WDFY4: variants seen among roughly 807,000 people sequenced by gnomAD.
WDFY4 encodes WDFY family member 4.
A neutral mutation model predicts 351.9 loss-of-function variants in WDFY4; 169 were observed. That is an observed-to-expected ratio of 0.48 (90% confidence interval 0.42 to 0.55). WDFY4 has a LOEUF of 0.55. Among genes scored for constraint, WDFY4 ranks in the 20% least tolerant of loss-of-function variants. The pLI is 0.00. For missense variants in WDFY4, 3,803 were observed against 3,935.6 expected, an observed-to-expected ratio of 0.97 and a Z score of 0.90; for synonymous variants, 1,622 against 1,574.6, an observed-to-expected ratio of 1.03 and a Z score of -0.71.
At chr10:48,934,941 A>G (rs1160578130) in intron 47 of WDFY4, among the ~76,000 whole-genome samples, 1 of 152,122 alleles carries the variant, frequency 6.6e-6, no homozygotes, top group East Asian at 1.9e-4. Flanking sequence ...GAGGATGCCC[A>G]CTGTGCCCTA....
intron 47 of WDFY4, 78 bp from the exon 48 acceptor site, chr10:48,941,728 C>A (rs1256006835): frequency 3.4e-6 from 5 of 1,483,464 alleles, no homozygotes; most frequent in African/African-American, 2.8e-5. Flanking sequence ...CCGTGAAGCC[C>A]AGGCAAGCCC....
Position 48,711,021 on chromosome 10 carries a change from G to A in WDFY4, c.234+1055G>A, listed in dbSNP as rs1589432712. Among the ~76,000 whole-genome samples, 11 of 152,346 alleles carry A rather than the reference G, an allele frequency of 7.2e-5. 1 individual carries two copies. The South Asian group carries it at 2.3e-3, about 32-fold the overall frequency. On this transcript the variant is annotated intron_variant, in intron 2 of 61. Transcript: ENST00000325239. Reference sequence around the variant, plus strand: ...AGCGTATACCTACAAAATATTCAAAGCAGAGAGAACAAGAGCTACTTTTCA... The same window carrying A: ...AGCGTATACCTACAAAATATTCAAAACAGAGAGAACAAGAGCTACTTTTCA...
chr10:48,834,532 C>G (rs1364721807), intron 39 of WDFY4, among the ~76,000 whole-genome samples: 8 of 152,204 alleles, frequency 5.3e-5, no homozygotes, highest in Admixed American at 5.2e-4. Context: ...TCAAGATCAT[C>G]CTATAGGTGA....
At chr10:48,884,798 G>A (rs991529941) in intron 43 of WDFY4, among the ~76,000 whole-genome samples, 9 of 152,072 alleles carry the variant, frequency 5.9e-5, no homozygotes, top group African/African-American at 1.9e-4. Context: ...TGGTGTCACC[G>A]CTGCCGCCTC....
At chr10:48,761,051 C>T (rs1480416710) in intron 13 of WDFY4, among the ~76,000 whole-genome samples, 1 of 152,104 alleles carries the variant, frequency 6.6e-6, no homozygotes, top group Non-Finnish European at 1.5e-5. Context: ...AGGAACAGAT[C>T]TCATTAAATC....
intron 43 of WDFY4, among the ~76,000 whole-genome samples, chr10:48,883,630 C>T (rs878986164): frequency 9.8e-5 from 15 of 152,290 alleles, no homozygotes; most frequent in Middle Eastern, 3.4e-3. Context: ...CCTCCCCTAC[C>T]GTCTCAGAAA....
At chr10:48,967,455 C>T (rs1242846272) in intron 55 of WDFY4, 3 of 152,268 alleles carry the variant, frequency 2.0e-5, no homozygotes, top group Admixed American at 6.5e-5. Context: ...GGACCAGGGG[C>T]TCCTCAACAA....
At chr10:48,734,739 C>G (rs1236781281) in intron 10 of WDFY4, among the ~76,000 whole-genome samples, 1 of 151,084 alleles carries the variant, frequency 6.6e-6, no homozygotes, top group East Asian at 1.9e-4. Context: ...ACAGCCAGAC[C>G]TTTAATTAAT....
At chr10:48,816,918 C>T (rs1455822115) in intron 31 of WDFY4, among the ~76,000 whole-genome samples, 1 of 152,160 alleles carries the variant, frequency 6.6e-6, no homozygotes, top group East Asian at 1.9e-4. Flanking sequence ...AGGAAAGCAT[C>T]ATCTACCCAA....
intron 39 of WDFY4, among the ~76,000 whole-genome samples, chr10:48,850,019 G>A (rs1346265291): frequency 6.6e-6 from 1 of 152,132 alleles, no homozygotes; most frequent in African/African-American, 2.4e-5. Context: ...CTTGGGTTAT[G>A]GGTCTTTGGA....
intron 51 of WDFY4, among the ~76,000 whole-genome samples, chr10:48,948,338 A>G (rs1285018283): frequency 2.0e-5 from 3 of 152,220 alleles, no homozygotes; most frequent in South Asian, 4.1e-4. Context: ...GCTGCACCCC[A>G]TGCCAGGAAT....
At chr10:48,685,687 TC>T (rs2063024869) in intron 1 of WDFY4, among the ~76,000 whole-genome samples, 1 of 152,116 alleles carries the variant, frequency 6.6e-6, no homozygotes, top group Non-Finnish European at 1.5e-5. Flanking sequence ...ACTAAACCGA[TC>T]CTTTGTCCCA....
chr10:48,856,313 T>A (rs1170767514), intron 39 of WDFY4, among the ~76,000 whole-genome samples: 2 of 152,254 alleles, frequency 1.3e-5, no homozygotes, highest in African/African-American at 2.4e-5. Flanking sequence ...TGATTGATAT[T>A]GTTTCAGATT....
chr10:48,907,846 G>A (rs1426093923), intron 47 of WDFY4, among the ~76,000 whole-genome samples: 1 of 152,168 alleles, frequency 6.6e-6, no homozygotes. Flanking sequence ...CTGAAGCCCT[G>A]GGAGCACAAC....
chr10:48,890,660 T>C lies in WDFY4; in HGVS notation c.7249T>C (p.Tyr2417His). 6.4e-7 allele frequency: 1 copy of C among 1,551,702 alleles called. No homozygotes were observed. Among genetic ancestry groups the C allele is most frequent in the Non-Finnish European group, 8.7e-7 (1 of 1,146,992 alleles). ...CCTGCTTTTTGGCCACCAACACTTC[T>C]ACATCTGCGAGAACTTCACACTGTC... The part of the protein sequence containing the change: ...GVLLFGHQHF[Y>H]ICENFTLSPT... The change falls in exon 44 of 62, where the codon TAC (tyrosine) becomes CAC (histidine). Residue 2417 changes from tyrosine (Y) to histidine (H), a missense_variant. Physicochemically the swap from Tyr to His is moderately conservative, Grantham distance 83. Around this residue, in one of 3 missense-constraint regions of WDFY4, gnomAD observed 3,054 missense variants for 3,148.6 expected, o/e 0.97. Transcript: ENST00000325239.
At chr10:48,934,276 T>C (rs1476746322) in intron 47 of WDFY4, among the ~76,000 whole-genome samples, 1 of 152,238 alleles carries the variant, frequency 6.6e-6, no homozygotes. Flanking sequence ...CACTACCTAC[T>C]TTTTAGCACA....
chr10:48,882,321 C>A (rs1292075790), intron 43 of WDFY4, among the ~76,000 whole-genome samples: 2 of 152,196 alleles, frequency 1.3e-5, no homozygotes, highest in African/African-American at 4.8e-5. Context: ...TGGCACAGGG[C>A]AAAGTGCATA....
chr10:48,698,303 C>T (rs1272823804), intron 1 of WDFY4, among the ~76,000 whole-genome samples: 1 of 152,232 alleles, frequency 6.6e-6, no homozygotes, highest in African/African-American at 2.4e-5. Flanking sequence ...ACATTTGAAG[C>T]ACTCTGATGT....
intron 44 of WDFY4, among the ~76,000 whole-genome samples, chr10:48,891,184 T>C (rs2070681635): frequency 6.6e-6 from 1 of 152,218 alleles, no homozygotes; most frequent in East Asian, 1.9e-4. Context: ...TCTTCAGGGT[T>C]CAGGCTTGGA....
Sources: gnomAD v4.1 joint callset for allele counts (sites outside exome capture counted in the v4.1 genomes callset) on GRCh38, gnomAD v4.1.1 for gene constraint, gnomAD v4.1.1 regional missense constraint, MANE v1.5 for transcripts, NCBI Gene and HGNC (gene_info 2026-07-23, HGNC 2026-07-21) for gene names.